The following PDE2A variants were observed in gnomAD, a reference collection of about 807,000 sequenced individuals.
PDE2A encodes phosphodiesterase 2A, also known as cGMP-dependent 3',5'-cyclic phosphodiesterase.
PDE2A carries 53 observed loss-of-function variants against 133.6 expected under a neutral mutation model. The observed-to-expected ratio is 0.40, with a 90% CI of 0.32 to 0.50. The LOEUF is 0.50. Ranked by LOEUF, PDE2A falls within the 20% of genes least tolerant of loss-of-function variation. The probability of loss-of-function intolerance (pLI) is 0.73; values close to 1 mark genes in which losing one functional copy is unlikely to be tolerated. For synonymous variants in PDE2A, 491 were observed against 490.2 expected (o/e 1.00, Z -0.02); for missense variants, 796 against 1,232.4 (o/e 0.65, Z 5.30).
At chr11:72,611,181 C>A (rs1433657066) in intron 2 of PDE2A, among the ~76,000 whole-genome samples, 1 of 152,150 alleles carries the variant, frequency 6.6e-6, no homozygotes, top group African/African-American at 2.4e-5. Context: ...ACGGAGTGAG[C>A]CTGATACAGG....
intron 19 of PDE2A, 27 bp downstream of exon 19, chr11:72,584,174 A>ACCCC: frequency 2.3e-6 from 1 of 426,540 alleles, no homozygotes; most frequent in Non-Finnish European, 4.1e-6. Flanking sequence ...CTATCACCCC[A>ACCCC]CACCCCACTC....
rs184882578 is a variant in PDE2A at position 72,578,126 on chromosome 11, G to T, written c.2615+107C>A. 0.012 allele frequency: 8,887 copies of T among 755,274 alleles called. 96 individuals are homozygous for T. Among genetic ancestry groups the T allele is most frequent in the Non-Finnish European group, 0.015 (6,251 of 423,054 alleles). The allele number at this position is 755,274 out of a possible 1,614,324, so 46.8% of individuals were successfully genotyped here. On this transcript the variant is annotated intron_variant, in intron 30 of 30. Coordinates refer to ENST00000334456, the MANE Select transcript of PDE2A (RefSeq NM_002599.5). The surrounding 1 kb of genome is among the most constrained non-coding windows in gnomAD (Gnocchi z 4.2). ...TGCCCAGAGGCAAGGGGATGAATCA[G>T]TTGGACCTGGGCCAGGCCAATCTCA...
rs534718850 is a variant in PDE2A, at chr11:72,577,927, G to A, written c.2615+306C>T. Among the ~76,000 whole-genome samples, 32 of 152,270 alleles carry A rather than the reference G, an allele frequency of 2.1e-4. No individual in the cohort carries two copies. In the South Asian group the frequency reaches 4.6e-3, roughly 22 times the overall value. ...GGGGAGGTTGCAGTGAGCCAAGATC[G>A]TGCCATTGCACTCCAGCCTGGGCAA... On this transcript the variant is annotated intron_variant, in intron 30 of 30. Coordinates refer to ENST00000334456, the MANE Select transcript of PDE2A (RefSeq NM_002599.5).
intron 3 of PDE2A, among the ~76,000 whole-genome samples, chr11:72,608,049 G>A (rs1192252690): frequency 6.6e-6 from 1 of 152,150 alleles, no homozygotes; most frequent in East Asian, 1.9e-4. Context: ...ATGATGAGGG[G>A]CACAATCTCC....
chr11:72,647,407 A>G (rs7128760), intron 1 of PDE2A, among the ~76,000 whole-genome samples: 7,712 of 152,272 alleles, frequency 0.051, 654 homozygotes, highest in African/African-American at 0.18. Flanking sequence ...GTGCTCAGGA[A>G]GCTGAGGTGG....
rs147790325 is a variant in PDE2A, at chr11:72,605,111, G to A, written c.323+27C>T. ...TGAGAATCCTTGGCCATGCAAGAGG[G>A]CAATGGGGGTGCAGAGAATGGCTCA... On this transcript the variant is annotated intron_variant, in intron 4 of 30. Transcript: ENST00000334456. 3.7e-4 allele frequency: 551 copies of A among 1,469,680 alleles called. 1 individual carries two copies. Among genetic ancestry groups the A allele is most frequent in the Non-Finnish European group, 5.2e-4 (544 of 1,053,298 alleles). 91.0% of individuals were successfully genotyped at this position (1,469,680 alleles called of 1,614,324 possible).
rs1482377166 is a variant in PDE2A at position 72,581,861 on chromosome 11, CTG to C, written c.1922+14_1922+15del. 9 of 1,612,706 alleles carry C rather than the reference CTG, an allele frequency of 5.6e-6. No homozygotes were observed. The highest frequency in any genetic ancestry group is 7.6e-6 in the Non-Finnish European group (9 of 1,178,984). Reference sequence around the variant, plus strand: ...AGAGGGAGGCGAAGACTGGGGCTGTCTGTGGGCGCACGAACCGGGCCAGGGTC... The same window carrying C: ...AGAGGGAGGCGAAGACTGGGGCTGTCTGGGCGCACGAACCGGGCCAGGGTC... On this transcript the variant is annotated intron_variant, in intron 22 of 30. Coordinates refer to ENST00000334456, the MANE Select transcript of PDE2A (RefSeq NM_002599.5).
intron 2 of PDE2A, among the ~76,000 whole-genome samples, chr11:72,623,829 T>C (rs401801): frequency 0.51 from 77,196 of 151,702 alleles, 20,172 homozygotes; most frequent in African/African-American, 0.6. Flanking sequence ...CTAACTCTTC[T>C]GCCATTCCAT....
At chr11:72,637,450 C>A (rs1016633078) in intron 2 of PDE2A, among the ~76,000 whole-genome samples, 1 of 152,218 alleles carries the variant, frequency 6.6e-6, no homozygotes, top group Non-Finnish European at 1.5e-5. Context: ...CTAATGTCCA[C>A]CTAGGAAGTC....
At chr11:72,608,833 C>T in intron 2 of PDE2A, 82 bp from the exon 3 acceptor site, 1 of 745,114 alleles carries the variant, frequency 1.3e-6, no homozygotes, top group East Asian at 2.7e-5. Context: ...GTGAGCAAAA[C>T]CCCCCAGCTT....
At chr11:72,581,588 C>T (rs1855728227) in intron 22 of PDE2A, 109 bp from the exon 23 acceptor site, 1 of 1,189,372 alleles carries the variant, frequency 8.4e-7, no homozygotes, top group African/African-American at 1.5e-5. Flanking sequence ...CCTCCACAGC[C>T]TTCCTTGATG....
At chr11:72,581,251 C>T (rs547662664) in intron 23 of PDE2A, 106 bp downstream of exon 23, 1 of 1,160,868 alleles carries the variant, frequency 8.6e-7, no homozygotes, top group African/African-American at 1.5e-5. Context: ...CTAAGAAGAT[C>T]CCATGAGGCA....
intron 1 of PDE2A, among the ~76,000 whole-genome samples, chr11:72,643,931 C>G (rs1391613726): frequency 1.3e-5 from 2 of 152,184 alleles, no homozygotes; most frequent in African/African-American, 4.8e-5. Context: ...AGCCCGAGCC[C>G]TGAGCCTGGC....
rs554480690 is a variant in PDE2A, at chr11:72,607,010, T to C, written c.234+1652A>G. On this transcript the variant is annotated intron_variant, in intron 3 of 30. Coordinates refer to ENST00000334456, the MANE Select transcript of PDE2A (RefSeq NM_002599.5). ...GCCAGGTGCCAGCAGCTCTCCTCCC[T>C]GGGCGGGGGTCCCCTCCCCATCTCT... is the stretch of plus-strand genomic sequence containing the variant. 8.5e-5 allele frequency among the ~76,000 whole-genome samples: 13 copies of C among 152,256 alleles called. No homozygotes were observed. The South Asian group carries it at 2.5e-3, about 29-fold the overall frequency.
chr11:72,583,564 T>C (rs1446809543), intron 19 of PDE2A, 49 bp from the exon 20 acceptor site: 2 of 1,247,286 alleles, frequency 1.6e-6, no homozygotes, highest in African/African-American at 1.5e-5. Flanking sequence ...GCTGTGAAAA[T>C]TTAGCAATGC....
At position 72,597,468 on chromosome 11, in the gene PDE2A, C is replaced by G; in HGVS notation, c.433+42G>C. The G allele has an allele frequency of 3.5e-6, 1 of 287,028 alleles. No homozygotes were observed. Among genetic ancestry groups the G allele is most frequent in the Non-Finnish European group, 4.3e-6 (1 of 232,160 alleles). 17.8% of individuals were successfully genotyped at this position (287,028 alleles called of 1,614,324 possible). A position where few individuals can be genotyped will look rare whatever the true frequency, so the allele number is the denominator to read the frequency against. On this transcript the variant is annotated intron_variant, in intron 5 of 30. Transcript: ENST00000334456. The surrounding 1 kb of genome is among the most constrained non-coding windows in gnomAD (Gnocchi z 4.6). ...CTGGAGTGCAGGGGCCACAGTCCCTCCCTGCCCCTGCCCCTGCCCCTGCCC... is the reference window on the plus strand; with the variant it reads ...CTGGAGTGCAGGGGCCACAGTCCCTGCCTGCCCCTGCCCCTGCCCCTGCCC...
At chr11:72,596,765 A>G in intron 5 of PDE2A, 117 bp from the exon 6 acceptor site, 1 of 520,132 alleles carries the variant, frequency 1.9e-6, no homozygotes, top group Non-Finnish European at 3.1e-6. Context: ...GGACAGAGAC[A>G]CACAGAGACC....
chr11:72,668,100 C>T (rs1000775118), intron 1 of PDE2A, among the ~76,000 whole-genome samples: 1 of 152,186 alleles, frequency 6.6e-6, no homozygotes, highest in African/African-American at 2.4e-5. Context: ...TCCTGGTGGG[C>T]CACAACACAA....
At chr11:72,615,487 T>A (rs1857421670) in intron 2 of PDE2A, among the ~76,000 whole-genome samples, 1 of 151,984 alleles carries the variant, frequency 6.6e-6, no homozygotes, top group Admixed American at 6.6e-5. Context: ...GAGGGAACAG[T>A]CAGAGTGGGT....
Sources: gnomAD v4.1 joint callset for allele counts (sites outside exome capture counted in the v4.1 genomes callset) on GRCh38, gnomAD v4.1.1 for gene constraint, Gnocchi (gnomAD v3.1) non-coding constraint, MANE v1.5 for transcripts, NCBI Gene and HGNC (gene_info 2026-07-23, HGNC 2026-07-21) for gene names.